Variants in GTF3C1 observed in about 807,000 individuals in gnomAD.
GTF3C1 encodes the protein general transcription factor 3C polypeptide 1.
GTF3C1 carries 57 observed loss-of-function variants against 226.7 expected under a neutral mutation model. That is an observed-to-expected ratio of 0.25 (90% CI 0.20 to 0.31). The LOEUF (loss-of-function observed/expected upper bound fraction) is 0.31. Among genes scored for constraint, GTF3C1 ranks in the 10% least tolerant of loss-of-function variants. The pLI is 1.00. For synonymous variants in GTF3C1, 1,090 were observed against 1,084.8 expected, an observed-to-expected ratio of 1.00 and a Z score of -0.09; for missense variants, 2,217 against 2,776.1, an observed-to-expected ratio of 0.80 and a Z score of 4.53.
intron 28 of GTF3C1, among the ~76,000 whole-genome samples, chr16:27,476,770 G>A (rs111881203): frequency 1.3e-5 from 2 of 152,276 alleles, no homozygotes; most frequent in South Asian, 2.1e-4. Context: ...TACCTGGAAC[G>A]GGTTTACATG....
At position 27,488,311 on chromosome 16, in the gene GTF3C1, T is replaced by TTCGGTCCAGCGAGGGCTC. The variant is rs2088174696; in HGVS notation, c.3598_3615dup (p.Glu1200_Arg1205dup). The TTCGGTCCAGCGAGGGCTC allele has an allele frequency of 1.9e-6, 3 of 1,614,208 alleles. No homozygotes were observed. Among genetic ancestry groups the TTCGGTCCAGCGAGGGCTC allele is most frequent in the South Asian group, 2.2e-5 (2 of 91,086 alleles). ...CTTTTCCCACCCCTCACTCTCCGGT[T>TTCGGTCCAGCGAGGGCTC]TCGGTCCAGCGAGGGCTCTCGGTCC... On this transcript the variant is annotated inframe_insertion, in exon 23 of 37. Transcript: ENST00000356183.
chr16:27,476,674 A>T (rs2087955298), intron 28 of GTF3C1, 130 bp from the exon 29 acceptor site: 4 of 636,546 alleles, frequency 6.3e-6, no homozygotes, highest in Non-Finnish European at 1.1e-5. Flanking sequence ...TCACAAAAGA[A>T]AACACAATAT....
At chr16:27,502,772 A>G (rs2088425279) in intron 11 of GTF3C1, 87 bp downstream of exon 11, 2 of 1,345,394 alleles carry the variant, frequency 1.5e-6, no homozygotes, top group African/African-American at 1.4e-5. Flanking sequence ...AATGCCCCTC[A>G]GTGGTGTCCA....
At chr16:27,549,325 C>T (rs1391659272) in intron 1 of GTF3C1, among the ~76,000 whole-genome samples, 1 of 152,164 alleles carries the variant, frequency 6.6e-6, no homozygotes, top group Non-Finnish European at 1.5e-5. Flanking sequence ...TCCAGTCTGG[C>T]TCTAAAGTGT....
intron 14 of GTF3C1, among the ~76,000 whole-genome samples, chr16:27,497,159 T>C (rs1287752808): frequency 1.3e-5 from 2 of 152,134 alleles, no homozygotes; most frequent in Non-Finnish European, 1.5e-5. Context: ...CTGATTATAA[T>C]GCCATGGCCA....
chr16:27,477,851 T>C (rs1331852563), intron 28 of GTF3C1, among the ~76,000 whole-genome samples: 1 of 152,110 alleles, frequency 6.6e-6, no homozygotes, highest in Admixed American at 6.6e-5. Flanking sequence ...CAGTAGGCTA[T>C]CAGTGGTTAG....
chr16:27,509,464 T>C (rs1307290715), intron 7 of GTF3C1, among the ~76,000 whole-genome samples: 1 of 152,108 alleles, frequency 6.6e-6, no homozygotes, highest in Admixed American at 6.6e-5. Context: ...TTTTCAGAAG[T>C]ATCTTCCTCT....
chr16:27,533,890 C>T (rs1028750533), intron 4 of GTF3C1, among the ~76,000 whole-genome samples: 9 of 152,180 alleles, frequency 5.9e-5, no homozygotes, highest in Admixed American at 5.2e-4. Context: ...CCTGTAATCC[C>T]AGCTACTTGG....
At chr16:27,491,830 C>T (rs2088237460) in intron 19 of GTF3C1, among the ~76,000 whole-genome samples, 1 of 152,174 alleles carries the variant, frequency 6.6e-6, no homozygotes, top group Non-Finnish European at 1.5e-5. Context: ...GGATGCCCTC[C>T]CCAGCTCTGG....
At chr16:27,501,387 A>C in intron 11 of GTF3C1, 43 bp from the exon 12 acceptor site, 1 of 1,582,556 alleles carries the variant, frequency 6.3e-7, no homozygotes, top group South Asian at 1.1e-5. Context: ...CAATCTCAAC[A>C]TGGAAGGCCT....
chr16:27,492,695 C>A lies in GTF3C1; in HGVS notation c.2895G>T (p.Val965=). 1 of 1,596,864 alleles carries A rather than the reference C, an allele frequency of 6.3e-7. No individual in the cohort carries two copies. The highest frequency in any genetic ancestry group is 1.3e-5 in the African/African-American group (1 of 74,716). Residue 965 remains valine, a synonymous_variant, in exon 18 of 37, where the codon GTG becomes GTT. Transcript: ENST00000356183. The surrounding 1 kb of genome is among the most constrained non-coding windows in gnomAD (Gnocchi z 5.0). ...AGCACAGCCTCTGAAGGTTCTCCAC[C>A]ACCGAAAAAATGTAACGCCTAGAAA... ...LLYKRRYIFS[V]VENLQRLCYM... is the part of the protein sequence containing the mutation.
intron 6 of GTF3C1, among the ~76,000 whole-genome samples, chr16:27,514,661 C>T (rs1325328641): frequency 1.3e-5 from 2 of 152,072 alleles, no homozygotes; most frequent in African/African-American, 4.8e-5. Flanking sequence ...GGATGCTGTC[C>T]TAGGCTCCCC....
intron 29 of GTF3C1, 144 bp from the exon 30 acceptor site, chr16:27,472,064 CAGTG>C: frequency 1.5e-6 from 1 of 667,948 alleles, no homozygotes; most frequent in Non-Finnish European, 2.6e-6. Flanking sequence ...ATGTGTGTGT[CAGTG>C]AGTGTGTGTG....
intron 24 of GTF3C1, among the ~76,000 whole-genome samples, chr16:27,485,486 G>C (rs1596625013): frequency 6.6e-6 from 1 of 152,350 alleles, no homozygotes; most frequent in East Asian, 1.9e-4. Context: ...GATCATTCCG[G>C]ACATGATGGG....
intron 2 of GTF3C1, among the ~76,000 whole-genome samples, chr16:27,544,616 T>C (rs781729423): frequency 2.6e-5 from 4 of 151,782 alleles, no homozygotes; most frequent in Admixed American, 1.3e-4. Flanking sequence ...AGAGTTCACA[T>C]TGCCCTGTAA....
intron 28 of GTF3C1, among the ~76,000 whole-genome samples, chr16:27,477,465 A>G (rs2087968085): frequency 6.6e-6 from 1 of 151,994 alleles, no homozygotes; most frequent in Non-Finnish European, 1.5e-5. Context: ...TGCCACGCCC[A>G]GCTAATTTTT....
At position 27,495,386 on chromosome 16, in the gene GTF3C1, G is replaced by A. The variant is rs118142432; in HGVS notation, c.2457C>T (p.Thr819=). The A allele has an allele frequency of 1.9e-4, 304 of 1,614,090 alleles. No homozygotes were observed. The highest frequency in any genetic ancestry group is 2.3e-4 in the Non-Finnish European group (273 of 1,179,930). The change falls in exon 15 of 37, where the codon ACC becomes ACT. Residue 819 remains threonine (T), a synonymous_variant. Transcript: ENST00000356183. ...CACTGATGAAGCTTGGCTTCTCCAC[G>A]GTGTTGCTGGCAGGGTGCCCGTAGA... ...YLIYGHPASN[T]VEKPSFISER...
At chr16:27,539,118 T>C (rs2089045403) in intron 2 of GTF3C1, among the ~76,000 whole-genome samples, 1 of 151,514 alleles carries the variant, frequency 6.6e-6, no homozygotes, top group African/African-American at 2.4e-5. Context: ...CAGAATGAAT[T>C]TGGGTGATAA....
At position 27,537,842 on chromosome 16, in the gene GTF3C1, G is replaced by C; in HGVS notation, c.694C>G (p.Pro232Ala). 1.9e-6 allele frequency: 3 copies of C among 1,612,330 alleles called. No individual in the cohort carries two copies. The highest frequency in any genetic ancestry group is 2.5e-6 in the Non-Finnish European group (3 of 1,178,332). The change falls in exon 4 of 37, where the codon CCC becomes GCC. Residue 232 changes from proline (P) to alanine (A), a missense_variant. By Grantham distance (27) the Pro-to-Ala change is conservative (BLOSUM62 -1). Around this residue, in one of 12 missense-constraint regions of GTF3C1, gnomAD observed 163 missense variants for 234.3 expected, o/e 0.70. Coordinates refer to ENST00000356183, the MANE Select transcript of GTF3C1 (RefSeq NM_001520.4). Reference sequence around the variant, plus strand: ...ATTGAGTGTTGCTGGGCTCCAGTGGGTAATCGGATCACATGGGACTGCATT... The same window carrying C: ...ATTGAGTGTTGCTGGGCTCCAGTGGCTAATCGGATCACATGGGACTGCATT... Reference protein sequence around the residue: ...ITMQSHVIRLPTGAQQHSILL... With the variant: ...ITMQSHVIRLATGAQQHSILL...
Sources: allele counts gnomAD v4.1 joint callset (sites outside exome capture counted in the v4.1 genomes callset), GRCh38; gene constraint gnomAD v4.1.1; regional missense constraint gnomAD v4.1.1; non-coding constraint Gnocchi (gnomAD v3.1); transcripts MANE v1.5; gene names NCBI Gene and HGNC (gene_info 2026-07-23, HGNC 2026-07-21).